Variants in METTL1 observed in about 807,000 individuals in gnomAD.
METTL1 encodes the protein methyltransferase 1, tRNA methylguanosine.
A neutral mutation model predicts 27.7 loss-of-function variants in METTL1; 14 were observed. That is an observed-to-expected ratio of 0.51 (90% CI 0.33 to 0.79). The LOEUF (loss-of-function observed/expected upper bound fraction) is 0.79. Among genes scored for constraint, METTL1 ranks in the 30% least tolerant of loss-of-function variants. The probability of loss-of-function intolerance (pLI) is 0.02; values close to 1 mark genes in which losing one functional copy is unlikely to be tolerated. For missense variants in METTL1, 333 were observed against 359.6 expected (o/e 0.93, Z 0.60); for synonymous variants, 138 against 137.0 (o/e 1.01, Z -0.05).
Position 57,769,351 on chromosome 12 carries a change from A to G in METTL1, c.627T>C (p.Thr209=). 1 of 1,614,204 alleles carries G rather than the reference A, an allele frequency of 6.2e-7. No homozygotes were observed. Residue 209 remains threonine (T), a synonymous_variant, in exon 5 of 6, where the codon ACT becomes ACC. Coordinates refer to ENST00000324871, the MANE Select transcript of METTL1 (RefSeq NM_005371.6). ...DVLELHDWMC[T]HFEEHPLFER... is the part of the protein sequence containing the mutation. Reference sequence around the variant, plus strand: ...CAAACAGTGGGTGCTCTTCGAAATGAGTGCACATCCAGTCGTGTAGCTCCA... The same window carrying G: ...CAAACAGTGGGTGCTCTTCGAAATGGGTGCACATCCAGTCGTGTAGCTCCA...
Position 57,769,597 on chromosome 12 carries a change from G to A in METTL1, c.541C>T (p.Leu181=), listed in dbSNP as rs569065268. The A allele has an allele frequency of 3.9e-6, 6 of 1,551,780 alleles. No individual in the cohort carries two copies. The South Asian group carries it at 7.4e-5, about 19-fold the overall frequency. The part of the protein sequence containing the change: ...HKWRIISPTL[L]AEYAYVLRVG... Reference sequence around the variant, plus strand: ...CTTAGCACGTAGGCATATTCTGCTAGCAGGGTGGGACTGATGATTCGCCAC... The same window carrying A: ...CTTAGCACGTAGGCATATTCTGCTAACAGGGTGGGACTGATGATTCGCCAC... The change falls in exon 4 of 6, where the codon CTA becomes TTA. Residue 181 remains leucine (L), a synonymous_variant. Transcript: ENST00000324871.
rs1397665780 is a variant in METTL1 at position 57,769,451 on chromosome 12, G to C, written c.574-47C>G. On this transcript the variant is annotated intron_variant, in intron 4 of 5. Coordinates refer to ENST00000324871, the MANE Select transcript of METTL1 (RefSeq NM_005371.6). ...AGACAGGAGGCTGCATGCAACGTCA[G>C]CAGCCAGATGAAGGAAGTGGTGGTG... is the stretch of plus-strand genomic sequence containing the variant. 2.5e-6 allele frequency: 4 copies of C among 1,606,866 alleles called. No individual in the cohort carries two copies. In the African/African-American group the frequency reaches 5.3e-5, roughly 21 times the overall value.
rs773640593 is a variant in METTL1 at position 57,769,330 on chromosome 12, C to T, written c.648G>A (p.Leu216=). 6.3e-5 allele frequency: 102 copies of T among 1,614,070 alleles called. No individual in the cohort carries two copies. In the East Asian group the frequency reaches 2.2e-3, roughly 35 times the overall value. The change falls in exon 5 of 6, where the codon CTG becomes CTA. Residue 216 remains leucine (L), a synonymous_variant. Transcript: ENST00000324871. ...GGTCCTCCAGAGGCACACGCTCAAA[C>T]AGTGGGTGCTCTTCGAAATGAGTGC... is the stretch of plus-strand genomic sequence containing the variant. ...WMCTHFEEHP[L]FERVPLEDLS... is the part of the protein sequence containing the mutation.
At position 57,770,918 on chromosome 12, in the gene METTL1, C is replaced by T. The variant is rs1955421448; in HGVS notation, c.274+176G>A. On this transcript the variant is annotated intron_variant, in intron 2 of 5. Coordinates refer to ENST00000324871, the MANE Select transcript of METTL1 (RefSeq NM_005371.6). ...GAAGCATTTGAGGCAGCCCCCTCCACTCTCCAGGGCAAAGGTCACAGACCC... is the reference window on the plus strand; with the variant it reads ...GAAGCATTTGAGGCAGCCCCCTCCATTCTCCAGGGCAAAGGTCACAGACCC... 6.2e-6 allele frequency: 4 copies of T among 645,094 alleles called. No individual in the cohort carries two copies. The South Asian group carries it at 9.7e-5, about 16-fold the overall frequency. 40.0% of individuals were successfully genotyped at this position (645,094 alleles called of 1,614,324 possible). A position where few individuals can be genotyped will look rare whatever the true frequency, so the allele number is the denominator to read the frequency against.
chr12:57,770,114 G>A (rs967375604), intron 2 of METTL1, among the ~76,000 whole-genome samples, 158 bp from the exon 3 acceptor site: 16 of 152,148 alleles, frequency 1.1e-4, no homozygotes, highest in Admixed American at 4.6e-4. Context: ...CTCAAGAGGC[G>A]GGGGGAGAAA....
intron 1 of METTL1, chr12:57,771,676 C>A: frequency 1.3e-6 from 2 of 1,507,370 alleles, no homozygotes; most frequent in South Asian, 2.5e-5. Flanking sequence ...TTAAATCCAA[C>A]AAACAAAAGC....
Position 57,771,274 on chromosome 12 carries a change from A to G in METTL1, c.111-17T>C, listed in dbSNP as rs753777049. 1.2e-6 allele frequency: 2 copies of G among 1,608,816 alleles called. No individual in the cohort carries two copies. The highest frequency in any genetic ancestry group is 1.7e-6 in the Non-Finnish European group (2 of 1,177,048). Reference sequence around the variant, plus strand: ...TTCACAGGGCTATTGGAAAGAAGACATAAGAAGCATGAGAAGGTTGGTCAC... The same window carrying G: ...TTCACAGGGCTATTGGAAAGAAGACGTAAGAAGCATGAGAAGGTTGGTCAC... On this transcript the variant is annotated splice_polypyrimidine_tract_variant and intron_variant, in intron 1 of 5. Coordinates refer to ENST00000324871, the MANE Select transcript of METTL1 (RefSeq NM_005371.6).
chr12:57,771,003 G>T, intron 2 of METTL1, 91 bp downstream of exon 2: 1 of 1,422,226 alleles, frequency 7.0e-7, no homozygotes, highest in Non-Finnish European at 9.6e-7. Flanking sequence ...GACGAAAGGG[G>T]AAAGGCCAAT....
At chr12:57,770,469 T>C (rs776870289) in intron 2 of METTL1, among the ~76,000 whole-genome samples, 181 of 152,314 alleles carry the variant, frequency 1.2e-3, no homozygotes, top group Non-Finnish European at 1.9e-3. Context: ...TGGCCTCAAG[T>C]GGTCCACCTG....
At position 57,772,086 on chromosome 12, in the gene METTL1, T is replaced by TCCCAGTC; in HGVS notation, c.-10_-4dup. 6.4e-7 allele frequency: 1 copy of TCCCAGTC among 1,569,152 alleles called. No individual in the cohort carries two copies. The highest frequency in any genetic ancestry group is 8.6e-7 in the Non-Finnish European group (1 of 1,164,828). On this transcript the variant is annotated 5_prime_UTR_variant, in exon 1 of 6. Coordinates refer to ENST00000324871, the MANE Select transcript of METTL1 (RefSeq NM_005371.6). This position sits in a 1 kb window ranked among gnomAD's most constrained non-coding sequence, Gnocchi z 4.1. ...ACGTTCCGAGTCTCGGCTGCCATGATCCCAGTCCGGGGTTTCTCTACCAAA... is the reference window on the plus strand; with the variant it reads ...ACGTTCCGAGTCTCGGCTGCCATGATCCCAGTCCCCAGTCCGGGGTTTCTCTACCAAA...
Position 57,769,925 on chromosome 12 carries a change from A to G in METTL1, c.306T>C (p.Leu102=), listed in dbSNP as rs1325795724. The G allele has an allele frequency of 6.2e-7, 1 of 1,612,622 alleles. No individual in the cohort carries two copies. The highest frequency in any genetic ancestry group is 1.1e-5 in the South Asian group (1 of 90,710). Residue 102 remains leucine, a synonymous_variant, in exon 3 of 6, where the codon CTT becomes CTC. Transcript: ENST00000324871. The part of the protein sequence containing the change: ...VELSPLFPDT[L]ILGLEIRVKV... ...TCACCCGGATCTCCAGACCCAGAAT[A>G]AGTGTGTCTGGGAACAGCGGTGACA...
rs915025232 is a variant in METTL1 at position 57,768,528 on chromosome 12, T to C, written c.*468A>G. The stretch of plus-strand genomic sequence containing the variant: ...ACGCAGGGAGAGGACAGGAGGATGG[T>C]AGAAGGCATATGATACATACTCCAC... On this transcript the variant is annotated 3_prime_UTR_variant, in exon 6 of 6. Coordinates refer to ENST00000324871, the MANE Select transcript of METTL1 (RefSeq NM_005371.6). 1.9e-5 allele frequency: 3 copies of C among 157,408 alleles called. No individual in the cohort carries two copies. Among genetic ancestry groups the C allele is most frequent in the Non-Finnish European group, 2.8e-5 (2 of 71,312 alleles). 9.8% of individuals were successfully genotyped at this position (157,408 alleles called of 1,614,324 possible). A position where few individuals can be genotyped will look rare whatever the true frequency, so the allele number is the denominator to read the frequency against.
In METTL1 at chr12:57,768,986, G is replaced by A; in HGVS notation, c.*10C>T. ...TGGGAGACGAGGTCCAGCTAAGGTA[G>A]AGTAAGCAGTCAGTGACCAGGCAGG... On this transcript the variant is annotated 3_prime_UTR_variant, in exon 6 of 6. Coordinates refer to ENST00000324871, the MANE Select transcript of METTL1 (RefSeq NM_005371.6). 1 of 1,594,780 alleles carries A rather than the reference G, an allele frequency of 6.3e-7. No individual in the cohort carries two copies. Among genetic ancestry groups the A allele is most frequent in the Non-Finnish European group, 8.6e-7 (1 of 1,164,984 alleles).
chr12:57,769,275 C>A (rs1163796805), intron 5 of METTL1, 28 bp downstream of exon 5: 1 of 1,613,192 alleles, frequency 6.2e-7, no homozygotes, highest in Non-Finnish European at 8.5e-7. Flanking sequence ...TGGAAAGGGC[C>A]TCCACCTCCT....
intron 1 of METTL1, 86 bp from the exon 2 acceptor site, chr12:57,771,343 G>C: frequency 6.7e-7 from 1 of 1,500,952 alleles, no homozygotes; most frequent in African/African-American, 1.4e-5. Context: ...GGTGGGTGAG[G>C]GTGGGAGGTA....
chr12:57,771,729 G>A, intron 1 of METTL1: 2 of 1,393,490 alleles, frequency 1.4e-6, no homozygotes, highest in Non-Finnish European at 9.5e-7. Flanking sequence ...TTCAGTCTCA[G>A]TAACAATTTA....
intron 2 of METTL1, chr12:57,770,736 G>C (rs1306748173): frequency 9.9e-6 from 2 of 202,418 alleles, no homozygotes; most frequent in Non-Finnish European, 2.0e-5. Context: ...GCAAAGGGGA[G>C]GGGAGATGGT....
In METTL1 at chr12:57,772,014, G is replaced by A; in HGVS notation, c.70C>T (p.Arg24Cys). The A allele has an allele frequency of 1.3e-6, 2 of 1,551,322 alleles. No individual in the cohort carries two copies. The highest frequency in any genetic ancestry group is 1.7e-6 in the Non-Finnish European group (2 of 1,157,148). ...PPPQKRYYRQRAHSNPMADHT... is the reference protein window; with the variant it reads ...PPPQKRYYRQCAHSNPMADHT... Reference sequence around the variant, plus strand: ...TCCGCCATGGGGTTGGAGTGAGCACGTTGCCGGTAGTAGCGCTTCTGGGGC... The same window carrying A: ...TCCGCCATGGGGTTGGAGTGAGCACATTGCCGGTAGTAGCGCTTCTGGGGC... The change falls in exon 1 of 6, where the codon CGT (arginine) becomes TGT (cysteine). Residue 24 changes from arginine to cysteine, a missense_variant. Coordinates refer to ENST00000324871, the MANE Select transcript of METTL1 (RefSeq NM_005371.6). The surrounding 1 kb of genome is among the most constrained non-coding windows in gnomAD (Gnocchi z 4.1).
At chr12:57,769,521 C>T (rs756517455) in intron 4 of METTL1, 44 bp downstream of exon 4, 1 of 1,568,442 alleles carries the variant, frequency 6.4e-7, no homozygotes, top group African/African-American at 1.4e-5. Context: ...TGAAGGGCCC[C>T]TGAGTAGGCC....
Sources: allele counts gnomAD v4.1 joint callset (sites outside exome capture counted in the v4.1 genomes callset), GRCh38; gene constraint gnomAD v4.1.1; non-coding constraint Gnocchi (gnomAD v3.1); transcripts MANE v1.5; gene names NCBI Gene and HGNC (gene_info 2026-07-23, HGNC 2026-07-21).